NDUFA8: variants seen among roughly 807,000 people sequenced by gnomAD.
NDUFA8 encodes NADH dehydrogenase [ubiquinone] 1 alpha subcomplex subunit 8.
In NDUFA8, 16 loss-of-function variants were observed where a neutral mutation model predicts 20.9. The ratio of observed to expected loss-of-function variants is 0.77; its 90% CI spans 0.52 to 1.16. The LOEUF is 1.16. Among genes scored for constraint, NDUFA8 ranks in the 50% most tolerant of loss-of-function variants. NDUFA8 has a pLI of 0.00. For synonymous variants in NDUFA8, 70 were observed against 76.1 expected (o/e 0.92, Z 0.41); for missense variants, 202 against 216.4 (o/e 0.93, Z 0.42).
At chr9:122,148,897 G>A (rs1397158329) in intron 2 of NDUFA8, among the ~76,000 whole-genome samples, 1 of 152,140 alleles carries the variant, frequency 6.6e-6, no homozygotes, top group Non-Finnish European at 1.5e-5. Context: ...AAGAAGCAGG[G>A]TAGCATATAA....
chr9:122,134,120 G>T, the NDUFA8 span, among the ~76,000 whole-genome samples: 1 of 152,198 alleles, frequency 6.6e-6, no homozygotes, highest in Admixed American at 6.5e-5. Context: ...AGGGCTGGTG[G>T]CCAACACACC....
intron 1 of NDUFA8, 146 bp from the exon 2 acceptor site, chr9:122,152,554 A>ATTT: frequency 1.8e-6 from 1 of 544,800 alleles, no homozygotes; most frequent in Non-Finnish European, 2.8e-6. Context: ...TCATAATAAT[A>ATTT]ATTTTTTTTT....
chr9:122,142,992 G>C (rs1344066421), downstream of NDUFA8, among the ~76,000 whole-genome samples: 7 of 152,218 alleles, frequency 4.6e-5, no homozygotes, highest in African/African-American at 7.2e-5. Context: ...AACTTTTGCA[G>C]AACACGTGGG....
At chr9:122,154,772 T>C (rs1381017541) in intron 1 of NDUFA8, among the ~76,000 whole-genome samples, 1 of 152,244 alleles carries the variant, frequency 6.6e-6, no homozygotes, top group Non-Finnish European at 1.5e-5. Flanking sequence ...AAGTTTGGTA[T>C]AATATTTGCT....
chr9:122,147,353 G>A (rs7873816), intron 3 of NDUFA8, among the ~76,000 whole-genome samples: 9,836 of 152,150 alleles, frequency 0.065, 1,053 homozygotes, highest in African/African-American at 0.22. Context: ...AGATGGTGGT[G>A]TCAAAACTAA....
chr9:122,136,702 G>A, the NDUFA8 span, among the ~76,000 whole-genome samples: 5 of 151,932 alleles, frequency 3.3e-5, no homozygotes, highest in African/African-American at 9.7e-5. Flanking sequence ...GATTACAGGC[G>A]CCCACCAGCA....
At chr9:122,149,584 G>A (rs1482718252) in intron 2 of NDUFA8, among the ~76,000 whole-genome samples, 4 of 152,202 alleles carry the variant, frequency 2.6e-5, no homozygotes, top group South Asian at 2.1e-4. Flanking sequence ...GGGAATTTGT[G>A]AAATCCAAAC....
chr9:122,138,896 G>C, the NDUFA8 span, among the ~76,000 whole-genome samples: 1 of 146,212 alleles, frequency 6.8e-6, no homozygotes, highest in Admixed American at 7.1e-5. Context: ...AGAGGACACA[G>C]CAAGAGGAAA....
chr9:122,156,496 TAAG>T (rs995360806), intron 1 of NDUFA8, among the ~76,000 whole-genome samples: 1 of 152,226 alleles, frequency 6.6e-6, no homozygotes, highest in African/African-American at 2.4e-5. Flanking sequence ...ATAAAAATAA[TAAG>T]AACAGTGCCT....
rs1017632613 is a variant in NDUFA8 at position 122,149,914 on chromosome 9, G to A, written c.216-1637C>T. ...AGAGGTTGCAGCGAACAAAGATCAC[G>A]CCACAGCACTACAGCCTGGGTGACA... On this transcript the variant is annotated intron_variant, in intron 2 of 3. Coordinates refer to ENST00000373768, the MANE Select transcript of NDUFA8 (RefSeq NM_014222.3). Among the ~76,000 whole-genome samples, 42 of 151,930 alleles carry A rather than the reference G, an allele frequency of 2.8e-4. 1 individual carries two copies. Among genetic ancestry groups the A allele is most frequent in the East Asian group, 3.9e-4 (2 of 5,144 alleles).
At position 122,159,775 on chromosome 9, in the gene NDUFA8, C is replaced by G. The variant is rs1829158336; in HGVS notation, c.-98G>C. On this transcript the variant is annotated 5_prime_UTR_variant, in exon 1 of 4. Coordinates refer to ENST00000373768, the MANE Select transcript of NDUFA8 (RefSeq NM_014222.3). ...ACCGCCGAGTGCCACACGGCGCCTGCGCATGCGCATCCGGCAACACGCAGG... is the reference window on the plus strand; with the variant it reads ...ACCGCCGAGTGCCACACGGCGCCTGGGCATGCGCATCCGGCAACACGCAGG... The G allele has an allele frequency of 5.1e-6, 8 of 1,568,428 alleles. No homozygotes were observed. The South Asian group carries it at 7.8e-5, about 15-fold the overall frequency.
intron 3 of NDUFA8, among the ~76,000 whole-genome samples, chr9:122,145,184 G>A (rs539503438): frequency 5.3e-5 from 8 of 152,326 alleles, no homozygotes; most frequent in South Asian, 2.1e-4. Flanking sequence ...TTAACCTGAC[G>A]GTTAACAGGT....
At chr9:122,137,512 A>T in the NDUFA8 span, among the ~76,000 whole-genome samples, 50 of 152,304 alleles carry the variant, frequency 3.3e-4, no homozygotes, top group African/African-American at 1.1e-3. Flanking sequence ...AAGTGCTGGG[A>T]TTACAGGCGT....
At chr9:122,159,264 C>T (rs1413262010) in intron 1 of NDUFA8, among the ~76,000 whole-genome samples, 1 of 152,116 alleles carries the variant, frequency 6.6e-6, no homozygotes. Flanking sequence ...GACTGTGAGC[C>T]CCTAGGGTTG....
Position 122,152,391 on chromosome 9 carries a change from A to G in NDUFA8, c.69T>C (p.Ala23=). Residue 23 remains alanine, a synonymous_variant, in exon 2 of 4, where the codon GCT becomes GCC. Coordinates refer to ENST00000373768, the MANE Select transcript of NDUFA8 (RefSeq NM_014222.3). ...AGTGATGGGCCGCAGCTTTAAGCAC[A>G]GCAGAACTAATTTTCACCTAGGAAA... The part of the protein sequence containing the change: ...LKVDEVKISS[A]VLKAAAHHYG... 1.2e-6 allele frequency: 2 copies of G among 1,614,162 alleles called. No individual in the cohort carries two copies. Among genetic ancestry groups the G allele is most frequent in the Non-Finnish European group, 1.7e-6 (2 of 1,180,022 alleles).
chr9:122,147,793 A>G (rs915747642), intron 3 of NDUFA8, among the ~76,000 whole-genome samples: 1 of 151,714 alleles, frequency 6.6e-6, no homozygotes, highest in Non-Finnish European at 1.5e-5. Flanking sequence ...CACCCGGCTA[A>G]TTTTTTGTAT....
chr9:122,141,966 A>G (rs1828828155), downstream of NDUFA8, among the ~76,000 whole-genome samples: 1 of 152,204 alleles, frequency 6.6e-6, no homozygotes, highest in Non-Finnish European at 1.5e-5. Flanking sequence ...CTAGAATTGA[A>G]TTTGAAACCA....
downstream of NDUFA8, among the ~76,000 whole-genome samples, chr9:122,140,919 C>T (rs1828809656): frequency 1.3e-5 from 2 of 152,116 alleles, no homozygotes; most frequent in South Asian, 2.1e-4. Flanking sequence ...TCCAGACAGC[C>T]CAACTCTAGA....
In NDUFA8 at chr9:122,148,386, G is replaced by A. The variant is rs541693096; in HGVS notation, c.216-109C>T. ...AAATACATAGCCTTGCTTTTTGAAAGGTATGTGAGTACATATTCTTATCTC... is the reference window on the plus strand; with the variant it reads ...AAATACATAGCCTTGCTTTTTGAAAAGTATGTGAGTACATATTCTTATCTC... On this transcript the variant is annotated intron_variant, in intron 2 of 3. Transcript: ENST00000373768. 159 of 1,249,346 alleles carry A rather than the reference G, an allele frequency of 1.3e-4. No homozygotes were observed. In the African/African-American group the frequency reaches 2.0e-3, roughly 16 times the overall value. The allele number at this position is 1,249,346 out of a possible 1,614,324, so 77.4% of individuals were successfully genotyped here.
Sources: gnomAD v4.1 joint callset for allele counts (sites outside exome capture counted in the v4.1 genomes callset) on GRCh38, gnomAD v4.1.1 for gene constraint, MANE v1.5 for transcripts, NCBI Gene and HGNC (gene_info 2026-07-23, HGNC 2026-07-21) for gene names.